Variants in SMYD3 observed in about 807,000 individuals in gnomAD.
SMYD3 encodes SET and MYND domain containing 3.
SMYD3 carries 36 observed loss-of-function variants against 57.7 expected under a neutral mutation model. The observed-to-expected ratio is 0.62, with a 90% confidence interval of 0.48 to 0.82. SMYD3 has a LOEUF of 0.82. Among genes scored for constraint, SMYD3 ranks in the 40% least tolerant of loss-of-function variants. The probability of loss-of-function intolerance (pLI) is 0.00; values close to 1 mark genes in which losing one functional copy is unlikely to be tolerated. For missense variants in SMYD3, 515 were observed against 538.8 expected (o/e 0.96, Z 0.44); for synonymous variants, 211 against 195.0 (o/e 1.08, Z -0.68).
At chr1:245,875,958 A>G (rs2052465158) in intron 8 of SMYD3, among the ~76,000 whole-genome samples, 1 of 152,260 alleles carries the variant, frequency 6.6e-6, no homozygotes, top group Non-Finnish European at 1.5e-5. Context: ...ACCTTCATTC[A>G]GAGGACTTAA....
intron 5 of SMYD3, among the ~76,000 whole-genome samples, chr1:246,075,324 T>G (rs2060528232): frequency 6.6e-6 from 1 of 152,154 alleles, no homozygotes. Flanking sequence ...ACGGCAGTGA[T>G]AAGAACTCAG....
chr1:246,287,845 T>A (rs2064602365), intron 5 of SMYD3, among the ~76,000 whole-genome samples: 1 of 152,080 alleles, frequency 6.6e-6, no homozygotes, highest in Non-Finnish European at 1.5e-5. Flanking sequence ...CAAGAGAAAA[T>A]GTGCTTTCTA....
rs929096432 is a variant in SMYD3, at chr1:246,490,121, G to A, written c.164+16933C>T. 4.6e-5 allele frequency among the ~76,000 whole-genome samples: 7 copies of A among 151,146 alleles called. No individual in the cohort carries two copies. In the South Asian group the frequency reaches 6.3e-4, roughly 14 times the overall value. On this transcript the variant is annotated intron_variant, in intron 1 of 11. Transcript: ENST00000490107. The stretch of plus-strand genomic sequence containing the variant: ...CCCAAAGTGCTGGCAGTATAGGCGT[G>A]AGCCACTGTGCCTGACTTAAGTCAT...
chr1:245,765,248 T>C (rs1465633497), intron 10 of SMYD3, among the ~76,000 whole-genome samples: 1 of 147,220 alleles, frequency 6.8e-6, no homozygotes, highest in African/African-American at 2.5e-5. Flanking sequence ...AATACAAAAA[T>C]GAGCCAGGTG....
intron 1 of SMYD3, among the ~76,000 whole-genome samples, chr1:246,411,364 T>C (rs2066964986): frequency 6.6e-6 from 1 of 152,214 alleles, no homozygotes; most frequent in Non-Finnish European, 1.5e-5. Flanking sequence ...GGAACACTTG[T>C]ACACTGTTGG....
chr1:246,335,712 C>A (rs1368057967), intron 2 of SMYD3, among the ~76,000 whole-genome samples: 2 of 152,148 alleles, frequency 1.3e-5, no homozygotes, highest in Non-Finnish European at 2.9e-5. Flanking sequence ...TTTCATTTGT[C>A]CCCTGGTTAT....
intron 5 of SMYD3, among the ~76,000 whole-genome samples, chr1:246,102,821 G>A (rs2061041823): frequency 6.6e-6 from 1 of 152,084 alleles, no homozygotes. Flanking sequence ...AGTGTTTAAA[G>A]CAGCAGTGAG....
At chr1:246,038,068 C>T (rs1436551888) in intron 5 of SMYD3, among the ~76,000 whole-genome samples, 1 of 152,180 alleles carries the variant, frequency 6.6e-6, no homozygotes, top group Non-Finnish European at 1.5e-5. Flanking sequence ...AGGCAGCAGG[C>T]CAGATATGGG....
intron 5 of SMYD3, among the ~76,000 whole-genome samples, chr1:246,296,001 G>A (rs2064787197): frequency 6.6e-6 from 1 of 152,148 alleles, no homozygotes; most frequent in Non-Finnish European, 1.5e-5. Flanking sequence ...TGCATGCGGA[G>A]GTAGGTTTTG....
chr1:245,924,749 G>A lies in SMYD3; in HGVS notation c.702+3182C>T, dbSNP rs553705529. Among the ~76,000 whole-genome samples the A allele has an allele frequency of 3.4e-5, 5 of 147,086 alleles. No individual in the cohort carries two copies. In the South Asian group the frequency reaches 6.5e-4, roughly 19 times the overall value. On this transcript the variant is annotated intron_variant, in intron 7 of 11. Transcript: ENST00000490107. ...GCGATCTTGGCTCACCGCAACCTGC[G>A]CCTCCTGGGTTTAAGCGATTCTCCT... is the stretch of plus-strand genomic sequence containing the variant.
intron 8 of SMYD3, among the ~76,000 whole-genome samples, chr1:245,905,598 C>T (rs1193251708): frequency 7.9e-5 from 12 of 152,202 alleles, no homozygotes; most frequent in Non-Finnish European, 1.8e-4. Flanking sequence ...AGGTCTGACT[C>T]CCAGACAGTA....
chr1:246,218,313 G>C (rs2063197730), intron 5 of SMYD3, among the ~76,000 whole-genome samples: 1 of 152,062 alleles, frequency 6.6e-6, no homozygotes, highest in African/African-American at 2.4e-5. Context: ...GAGAGAAGCA[G>C]TTGTGCAGCT....
chr1:246,398,081 T>C (rs1037692681), intron 1 of SMYD3, among the ~76,000 whole-genome samples: 3 of 152,106 alleles, frequency 2.0e-5, no homozygotes, highest in African/African-American at 7.2e-5. Flanking sequence ...AATCTTAGGC[T>C]CTACAATAGA....
At position 246,083,031 on chromosome 1, in the gene SMYD3, TC is replaced by T. The variant is rs372001219; in HGVS notation, c.532-153095del. ...AAAGCCAGGTATTGTCCAAGGTTTCTCCCCATGTGACAGTCTGAAATATGGC... is the reference window on the plus strand; with the variant it reads ...AAAGCCAGGTATTGTCCAAGGTTTCTCCCATGTGACAGTCTGAAATATGGC... On this transcript the variant is annotated intron_variant, in intron 5 of 11. Transcript: ENST00000490107. Among the ~76,000 whole-genome samples the T allele has an allele frequency of 1.6e-3, 245 of 151,320 alleles. 4 individuals are homozygous for T. Among genetic ancestry groups the T allele is most frequent in the East Asian group, 0.015 (78 of 5,144 alleles).
chr1:246,275,301 T>A lies in SMYD3; in HGVS notation c.531+51900A>T, dbSNP rs376589746. 4.5e-4 allele frequency among the ~76,000 whole-genome samples: 68 copies of A among 152,350 alleles called. 1 individual carries two copies. In the East Asian group the frequency reaches 0.011, roughly 25 times the overall value. ...CTCATTCTGGCACCCAGGCTTATAG[T>A]TTGCCTGCTCCTGGCCAACAACAAA... On this transcript the variant is annotated intron_variant, in intron 5 of 11. Coordinates refer to ENST00000490107, the MANE Select transcript of SMYD3 (RefSeq NM_001167740.2).
rs372522114 is a variant in SMYD3, at chr1:246,144,039, T to C, written c.531+183162A>G. Among the ~76,000 whole-genome samples the C allele has an allele frequency of 1.3e-4, 20 of 152,256 alleles. No homozygotes were observed. The East Asian group carries it at 1.7e-3, about 13-fold the overall frequency. Reference sequence around the variant, plus strand: ...CTTTAGCTGGAGGAAAAGCTGGAGATTTTCTTCTCCATTCCCTGACTGTAC... The same window carrying C: ...CTTTAGCTGGAGGAAAAGCTGGAGACTTTCTTCTCCATTCCCTGACTGTAC... On this transcript the variant is annotated intron_variant, in intron 5 of 11. Coordinates refer to ENST00000490107, the MANE Select transcript of SMYD3 (RefSeq NM_001167740.2).
chr1:245,800,153 G>A (rs897829411), intron 10 of SMYD3, among the ~76,000 whole-genome samples: 4 of 152,096 alleles, frequency 2.6e-5, no homozygotes, highest in African/African-American at 7.2e-5. Flanking sequence ...CTTGAGTGTG[G>A]TATTTTCCCT....
chr1:245,877,477 G>A (rs2052549433), intron 8 of SMYD3, among the ~76,000 whole-genome samples: 1 of 152,228 alleles, frequency 6.6e-6, no homozygotes, highest in African/African-American at 2.4e-5. Context: ...ACTTGCAGGT[G>A]GGAGGGACTG....
chr1:245,875,434 C>T (rs767502239), intron 8 of SMYD3, among the ~76,000 whole-genome samples: 1 of 152,206 alleles, frequency 6.6e-6, no homozygotes, highest in Non-Finnish European at 1.5e-5. Flanking sequence ...ACTCAGAATA[C>T]TCCTACTACC....
Sources: allele counts gnomAD v4.1 joint callset (sites outside exome capture counted in the v4.1 genomes callset), GRCh38; gene constraint gnomAD v4.1.1; transcripts MANE v1.5; gene names NCBI Gene and HGNC (gene_info 2026-07-23, HGNC 2026-07-21).